The following ASAP2 variants were observed in gnomAD, a reference collection of about 807,000 sequenced individuals.
ASAP2 encodes the protein ArfGAP with SH3 domain, ankyrin repeat and PH domain 2.
A neutral mutation model predicts 131.4 loss-of-function variants in ASAP2; 45 were observed. The ratio of observed to expected loss-of-function variants is 0.34; its 90% CI spans 0.27 to 0.44. ASAP2 has a LOEUF of 0.44. Ranked by LOEUF, ASAP2 falls within the 20% of genes least tolerant of loss-of-function variation. The pLI is 1.00. For missense variants in ASAP2, 1,011 were observed against 1,297.0 expected (o/e 0.78, Z 3.39); for synonymous variants, 510 against 503.0 (o/e 1.01, Z -0.19).
At chr2:9,369,298 C>T (rs1040253452) in intron 16 of ASAP2, among the ~76,000 whole-genome samples, 1 of 152,152 alleles carries the variant, frequency 6.6e-6, no homozygotes, top group African/African-American at 2.4e-5. Context: ...GGATTACAGG[C>T]GTGAGGCACC....
In ASAP2 at chr2:9,403,359, G is replaced by C. The variant is rs377512134; in HGVS notation, c.*32G>C. 1 of 1,604,778 alleles carries C rather than the reference G, an allele frequency of 6.2e-7. No individual in the cohort carries two copies. The highest frequency in any genetic ancestry group is 8.5e-7 in the Non-Finnish European group (1 of 1,172,302). On this transcript the variant is annotated 3_prime_UTR_variant, in exon 28 of 28. Coordinates refer to ENST00000281419, the MANE Select transcript of ASAP2 (RefSeq NM_003887.3). ...ACTGAACAAAAGCATTAACAGTTAT[G>C]TTCCTGTTTCGTTATTGGTACCAAA...
At chr2:9,228,750 T>G (rs983649750) in intron 1 of ASAP2, among the ~76,000 whole-genome samples, 6 of 152,170 alleles carry the variant, frequency 3.9e-5, no homozygotes, top group African/African-American at 1.2e-4. Flanking sequence ...CAAATGCAAA[T>G]TATTTCTGGT....
intron 3 of ASAP2, among the ~76,000 whole-genome samples, chr2:9,299,383 C>A (rs1430784406): frequency 1.3e-5 from 2 of 152,146 alleles, no homozygotes; most frequent in Non-Finnish European, 2.9e-5. Context: ...CTAACTCAGC[C>A]TGGAATGATG....
intron 3 of ASAP2, among the ~76,000 whole-genome samples, chr2:9,317,401 AAC>A (rs946907149): frequency 2.1e-5 from 3 of 141,952 alleles, no homozygotes; most frequent in African/African-American, 5.3e-5. Context: ...CACACCCTCA[AAC>A]ACACACATGC....
chr2:9,365,582 G>GGT (rs911491694), intron 15 of ASAP2, among the ~76,000 whole-genome samples: 1 of 152,196 alleles, frequency 6.6e-6, no homozygotes, highest in African/African-American at 2.4e-5. Flanking sequence ...AGGACGTACA[G>GGT]GTGTGTGATT....
intron 9 of ASAP2, among the ~76,000 whole-genome samples, chr2:9,341,748 G>A (rs1309462239): frequency 2.6e-5 from 4 of 152,176 alleles, no homozygotes; most frequent in Admixed American, 2.0e-4. Flanking sequence ...CAGCAACGTT[G>A]AAAGCTGGAT....
intron 7 of ASAP2, among the ~76,000 whole-genome samples, chr2:9,332,884 T>G (rs1377348191): frequency 6.6e-6 from 1 of 152,164 alleles, no homozygotes; most frequent in Non-Finnish European, 1.5e-5. Flanking sequence ...CGTATTAAAA[T>G]ACAGGAACAA....
rs941408223 is a variant in ASAP2 at position 9,232,417 on chromosome 2, C to T, written c.126+25187C>T. 6.6e-6 allele frequency among the ~76,000 whole-genome samples: 1 copy of T among 152,198 alleles called. No individual in the cohort carries two copies. Among genetic ancestry groups the T allele is most frequent in the Non-Finnish European group, 1.5e-5 (1 of 68,044 alleles). ...TGGCTTTGTGCCCCCGTACCCCTTT[C>T]GCAGCTGACTGTCCACATTATACTG... On this transcript the variant is annotated intron_variant, in intron 1 of 27. Coordinates refer to ENST00000281419, the MANE Select transcript of ASAP2 (RefSeq NM_003887.3). This position sits in a 1 kb window ranked among gnomAD's most constrained non-coding sequence, Gnocchi z 4.1.
intron 1 of ASAP2, among the ~76,000 whole-genome samples, chr2:9,238,259 G>A (rs953783875): frequency 2.6e-5 from 4 of 152,180 alleles, no homozygotes; most frequent in Admixed American, 2.0e-4. Flanking sequence ...CTAGTCTTTG[G>A]TAGACACTCT....
intron 1 of ASAP2, among the ~76,000 whole-genome samples, chr2:9,265,177 T>TA (rs1196010945): frequency 1.3e-5 from 2 of 152,172 alleles, no homozygotes; most frequent in Non-Finnish European, 2.9e-5. Context: ...TTTTTAAAAA[T>TA]ACAGTGTAAC....
At chr2:9,387,905 A>G (rs1325881331) in intron 21 of ASAP2, among the ~76,000 whole-genome samples, 1 of 152,162 alleles carries the variant, frequency 6.6e-6, no homozygotes, top group African/African-American at 2.4e-5. Context: ...CAGGAGAGAG[A>G]GCAAGCGAGA....
chr2:9,384,162 TA>T (rs1035049218), intron 20 of ASAP2, among the ~76,000 whole-genome samples: 8 of 152,126 alleles, frequency 5.3e-5, no homozygotes, highest in Non-Finnish European at 1.2e-4. Flanking sequence ...TAAAGTATAA[TA>T]AAAAAATAAA....
rs926383327 is a variant in ASAP2 at position 9,395,545 on chromosome 2, G to A, written c.2684+1898G>A. Among the ~76,000 whole-genome samples the A allele has an allele frequency of 3.2e-5, 4 of 124,292 alleles. No homozygotes were observed. The Admixed American group carries it at 3.3e-4, about 10-fold the overall frequency. The allele number at this position is 124,292 out of a possible 152,430, so 81.5% of individuals were successfully genotyped here. A position where few individuals can be genotyped will look rare whatever the true frequency, so the allele number is the denominator to read the frequency against. On this transcript the variant is annotated intron_variant, in intron 24 of 27. Transcript: ENST00000281419. ...ACATCTGTAATCCCTGCACTACTGTGTTTTTGTTTTTTTGTTTTGTTTTGT... is the reference window on the plus strand; with the variant it reads ...ACATCTGTAATCCCTGCACTACTGTATTTTTGTTTTTTTGTTTTGTTTTGT...
At chr2:9,264,200 AT>A (rs199603891) in intron 1 of ASAP2, among the ~76,000 whole-genome samples, 6,525 of 148,902 alleles carry the variant, frequency 0.044, 400 homozygotes, top group Admixed American at 0.09. Context: ...CAAAAAAATA[AT>A]AATAATAATA....
At chr2:9,395,780 TA>T (rs1411580398) in intron 24 of ASAP2, among the ~76,000 whole-genome samples, 1 of 151,396 alleles carries the variant, frequency 6.6e-6, no homozygotes, top group Non-Finnish European at 1.5e-5. Flanking sequence ...GCCAATTTTT[TA>T]TATTTTTAGT....
At chr2:9,263,367 G>A (rs1334322069) in intron 1 of ASAP2, among the ~76,000 whole-genome samples, 3 of 152,222 alleles carry the variant, frequency 2.0e-5, no homozygotes, top group Non-Finnish European at 4.4e-5. Flanking sequence ...GGCTGGGGGG[G>A]TCCTGCCCAG....
chr2:9,284,046 G>C (rs1367945139), intron 2 of ASAP2, among the ~76,000 whole-genome samples: 1 of 152,186 alleles, frequency 6.6e-6, no homozygotes, highest in Admixed American at 6.5e-5. Context: ...AAGGACCCTT[G>C]TGATGACATT....
At chr2:9,302,800 AG>A (rs1275472548) in intron 3 of ASAP2, among the ~76,000 whole-genome samples, 1 of 152,180 alleles carries the variant, frequency 6.6e-6, no homozygotes, top group African/African-American at 2.4e-5. Flanking sequence ...TACAGGTGTG[AG>A]CCACCACGCC....
At chr2:9,320,370 G>A (rs1184367732) in intron 5 of ASAP2, 33 bp downstream of exon 5, 1 of 1,566,000 alleles carries the variant, frequency 6.4e-7, no homozygotes, top group Non-Finnish European at 8.8e-7. Context: ...TTACGTATAG[G>A]TAATTTGGGA....
Sources: allele counts gnomAD v4.1 joint callset (sites outside exome capture counted in the v4.1 genomes callset), GRCh38; gene constraint gnomAD v4.1.1; non-coding constraint Gnocchi (gnomAD v3.1); transcripts MANE v1.5; gene names NCBI Gene and HGNC (gene_info 2026-07-23, HGNC 2026-07-21).